The following TUSC3 variants were observed in gnomAD, a reference collection of about 807,000 sequenced individuals.
TUSC3 encodes the protein dolichyl-diphosphooligosaccharide--protein glycosyltransferase subunit TUSC3.
In TUSC3, 45 loss-of-function variants were observed where a neutral mutation model predicts 44.8. The observed-to-expected ratio is 1.00, with a 90% CI of 0.79 to 1.29. The LOEUF is 1.29. Ranked by LOEUF, TUSC3 falls within the 50% of genes most tolerant of loss-of-function variation. TUSC3 has a pLI of 0.00. For missense variants in TUSC3, 519 were observed against 437.9 expected (o/e 1.19, Z -1.65); for synonymous variants, 212 against 152.9 (o/e 1.39, Z -2.85).
chr8:15,851,506 G>A, the TUSC3 span, among the ~76,000 whole-genome samples: 1 of 152,140 alleles, frequency 6.6e-6, no homozygotes, highest in Non-Finnish European at 1.5e-5. Context: ...GGTGTGAACT[G>A]TTATTCTCAT....
intron 1 of TUSC3, among the ~76,000 whole-genome samples, chr8:15,594,072 C>T (rs1449547966): frequency 6.6e-6 from 1 of 152,192 alleles, no homozygotes; most frequent in African/African-American, 2.4e-5. Flanking sequence ...TATACCCTTT[C>T]TCCCAGACTT....
intron 5 of TUSC3, among the ~76,000 whole-genome samples, chr8:15,668,872 A>C (rs893818720): frequency 2.0e-5 from 3 of 151,804 alleles, no homozygotes; most frequent in Non-Finnish European, 4.4e-5. Context: ...AGAAACAAAA[A>C]AATAAGCAGA....
intron 2 of TUSC3, among the ~76,000 whole-genome samples, chr8:15,504,892 T>C (rs1205270197): frequency 1.3e-5 from 2 of 151,812 alleles, no homozygotes; most frequent in Non-Finnish European, 2.9e-5. Flanking sequence ...AACATTGTGA[T>C]TCGCCCACTT....
intron 2 of TUSC3, among the ~76,000 whole-genome samples, chr8:15,485,464 C>CTT (rs11372919): frequency 0.085 from 11,407 of 134,970 alleles, 1,280 homozygotes; most frequent in African/African-American, 0.24. Context: ...ACTCTGTTGT[C>CTT]TTTTTTTTTT....
Position 15,471,572 on chromosome 8 carries a change from C to T in TUSC3, n.92-11814C>T, listed in dbSNP as rs1013235340. Reference sequence around the variant, plus strand: ...CATTCACATGAAAGACTTTATGAATCATAGTGTTATAAATTTACTTATAAC... The same window carrying T: ...CATTCACATGAAAGACTTTATGAATTATAGTGTTATAAATTTACTTATAAC... On this transcript the variant is annotated intron_variant and non_coding_transcript_variant, in intron 1 of 5. Transcript: ENST00000503191. Among the ~76,000 whole-genome samples, 19 of 151,438 alleles carry T rather than the reference C, an allele frequency of 1.3e-4. 1 individual carries two copies. The highest frequency in any genetic ancestry group is 4.4e-4 in the African/African-American group (18 of 41,218).
At chr8:15,734,745 A>G (rs1039761708) in intron 7 of TUSC3, among the ~76,000 whole-genome samples, 1 of 152,178 alleles carries the variant, frequency 6.6e-6, no homozygotes, top group Admixed American at 6.5e-5. Context: ...CTGGATATTG[A>G]AGTATAAAAA....
At chr8:15,423,569 G>A (rs1033418030) in intron 1 of TUSC3, among the ~76,000 whole-genome samples, 1 of 152,176 alleles carries the variant, frequency 6.6e-6, no homozygotes, top group African/African-American at 2.4e-5. Context: ...TTAGCTGCCA[G>A]TTTGATTTAA....
At chr8:15,824,930 C>T in the TUSC3 span, among the ~76,000 whole-genome samples, 1,037 of 152,220 alleles carry the variant, frequency 6.8e-3, 20 homozygotes, top group African/African-American at 0.024. Context: ...CAGTGCTTTC[C>T]TCCCTTCATT....
rs140839548 is a variant in TUSC3 at position 15,453,356 on chromosome 8, C to A, written n.92-30030C>A. On this transcript the variant is annotated intron_variant and non_coding_transcript_variant, in intron 1 of 5. Transcript: ENST00000503191. ...TAAGTATATATACTTATTCAATGTT[C>A]ATTTACTGTAGATGGCATTGCCTGC... Among the ~76,000 whole-genome samples the A allele has an allele frequency of 5.9e-3, 899 of 152,234 alleles. 5 individuals carry two copies. The highest frequency in any genetic ancestry group is 9.2e-3 in the Non-Finnish European group (629 of 68,008).
chr8:15,517,120 G>T (rs1563271870), intron 2 of TUSC3, among the ~76,000 whole-genome samples: 1 of 152,152 alleles, frequency 6.6e-6, no homozygotes, highest in East Asian at 1.9e-4. Flanking sequence ...CCAAGTTTCT[G>T]AACAAAGTAC....
At chr8:15,548,864 G>T (rs188598176) in intron 1 of TUSC3, among the ~76,000 whole-genome samples, 2 of 151,832 alleles carry the variant, frequency 1.3e-5, no homozygotes, top group East Asian at 3.9e-4. Context: ...GTAGGAGATT[G>T]TTGAGGTACA....
intron 1 of TUSC3, among the ~76,000 whole-genome samples, chr8:15,553,197 C>G (rs527293716): frequency 1.3e-5 from 2 of 151,838 alleles, no homozygotes; most frequent in African/African-American, 4.8e-5. Flanking sequence ...GGAAATGAAG[C>G]TTCGATCTGG....
At chr8:15,821,496 C>T in the TUSC3 span, among the ~76,000 whole-genome samples, 2 of 150,994 alleles carry the variant, frequency 1.3e-5, no homozygotes, top group Non-Finnish European at 2.9e-5. Flanking sequence ...CAGCCTTATA[C>T]TGATTCCTAC....
intron 1 of TUSC3, among the ~76,000 whole-genome samples, chr8:15,437,423 A>G (rs577300414): frequency 1.1e-4 from 16 of 152,298 alleles, no homozygotes; most frequent in African/African-American, 3.8e-4. Flanking sequence ...TCATCCAGAA[A>G]GAGATTCGTG....
chr8:15,469,865 T>C (rs1054842135), intron 1 of TUSC3, among the ~76,000 whole-genome samples: 1 of 152,172 alleles, frequency 6.6e-6, no homozygotes, highest in African/African-American at 2.4e-5. Context: ...CATAAGTGTA[T>C]GTTACTAAGT....
the TUSC3 span, among the ~76,000 whole-genome samples, chr8:15,822,896 G>C: frequency 3.3e-5 from 5 of 152,106 alleles, no homozygotes; most frequent in Non-Finnish European, 7.4e-5. Context: ...GCAAAAGCTT[G>C]TTTGCAGTGG....
intron 1 of TUSC3, among the ~76,000 whole-genome samples, chr8:15,595,424 C>G (rs1182266126): frequency 6.6e-6 from 1 of 152,116 alleles, no homozygotes; most frequent in Admixed American, 6.6e-5. Context: ...CCTGTACTCT[C>G]CCTCTCTGTG....
At chr8:15,737,968 A>G (rs1354798869) in intron 7 of TUSC3, among the ~76,000 whole-genome samples, 1 of 152,178 alleles carries the variant, frequency 6.6e-6, no homozygotes, top group African/African-American at 2.4e-5. Flanking sequence ...TTTAAGCTAA[A>G]CGATTCTCAA....
chr8:15,672,070 A>T (rs375450500), intron 5 of TUSC3, among the ~76,000 whole-genome samples: 19 of 152,176 alleles, frequency 1.2e-4, no homozygotes, highest in African/African-American at 4.6e-4. Context: ...CTGGGTTGAC[A>T]TAGCATGAAC....
Sources: allele counts gnomAD v4.1 joint callset (sites outside exome capture counted in the v4.1 genomes callset), GRCh38; gene constraint gnomAD v4.1.1; transcripts MANE v1.5; gene names NCBI Gene and HGNC (gene_info 2026-07-23, HGNC 2026-07-21).